Variants in FGF12 observed in about 807,000 individuals in gnomAD.
FGF12 encodes the protein fibroblast growth factor 12.
In FGF12, 14 loss-of-function variants were observed where a neutral mutation model predicts 23.6. That is an observed-to-expected ratio of 0.59 (90% confidence interval 0.39 to 0.93). The LOEUF (loss-of-function observed/expected upper bound fraction) is 0.93, where lower values mean the gene tolerates loss of function less well. FGF12 is among the 40% of genes least tolerant of loss of function. The probability of loss-of-function intolerance (pLI) is 0.00; values close to 1 mark genes in which losing one functional copy is unlikely to be tolerated. For missense variants in FGF12, 175 were observed against 217.8 expected (o/e 0.80, Z 1.24); for synonymous variants, 62 against 77.3 (o/e 0.80, Z 1.04).
At chr3:192,398,294 T>C (rs1283927946) in intron 2 of FGF12, among the ~76,000 whole-genome samples, 1 of 152,184 alleles carries the variant, frequency 6.6e-6, no homozygotes, top group Non-Finnish European at 1.5e-5. Context: ...GATCTGTGTT[T>C]CATGTTCCCA....
intron 2 of FGF12, among the ~76,000 whole-genome samples, chr3:192,546,347 C>T (rs1725493674): frequency 6.6e-6 from 1 of 151,970 alleles, no homozygotes. Flanking sequence ...TAGGTGCAAA[C>T]CACAGTGATC....
chr3:192,618,681 T>C (rs913036902), intron 2 of FGF12, among the ~76,000 whole-genome samples: 5 of 152,042 alleles, frequency 3.3e-5, no homozygotes, highest in African/African-American at 1.2e-4. Context: ...CCAGAACAGA[T>C]TCACAGATGA....
chr3:192,409,074 G>T lies in FGF12; in HGVS notation c.14-48536C>A, dbSNP rs1576960121. 6 of 853,968 alleles carry T rather than the reference G, an allele frequency of 7.0e-6. No homozygotes were observed. The highest frequency in any genetic ancestry group is 7.0e-6 in the Non-Finnish European group (5 of 710,288). The allele number at this position is 853,968 out of a possible 1,614,324, so 52.9% of individuals were successfully genotyped here. A position where few individuals can be genotyped will look rare whatever the true frequency, so the allele number is the denominator to read the frequency against. The stretch of plus-strand genomic sequence containing the variant: ...TGCAAAGAGAGCGGGAGGCGAGGGA[G>T]GGGGGAGGGCGCGAGGGAGGGAGGG... On this transcript the variant is annotated intron_variant, in intron 2 of 5. Coordinates refer to ENST00000445105, the MANE Select transcript of FGF12 (RefSeq NM_004113.6). This position sits in a 1 kb window ranked among gnomAD's most constrained non-coding sequence, Gnocchi z 4.8.
intron 5 of FGF12, among the ~76,000 whole-genome samples, chr3:192,153,206 G>A (rs1577178095): frequency 3.1e-5 from 1 of 32,332 alleles, no homozygotes; most frequent in African/African-American, 8.6e-5. Context: ...GCCTATGTGT[G>A]TCTCTGCATG....
At chr3:192,422,186 C>G (rs1190712482) in intron 2 of FGF12, among the ~76,000 whole-genome samples, 2 of 152,002 alleles carry the variant, frequency 1.3e-5, no homozygotes, top group African/African-American at 4.8e-5. Flanking sequence ...AGAGGAAATA[C>G]ATTCTAATGG....
intron 2 of FGF12, among the ~76,000 whole-genome samples, chr3:192,649,420 C>T (rs868847791): frequency 3.9e-5 from 6 of 152,016 alleles, no homozygotes; most frequent in Non-Finnish European, 7.4e-5. Flanking sequence ...AACTAATGAC[C>T]GTTTTAATTC....
intron 2 of FGF12, among the ~76,000 whole-genome samples, chr3:192,534,946 A>G (rs1045201758): frequency 5.3e-5 from 8 of 152,162 alleles, no homozygotes; most frequent in Non-Finnish European, 1.2e-4. Context: ...TTTTAAGTCT[A>G]ACTTTTACCT....
chr3:192,296,684 T>G (rs989032499), intron 4 of FGF12, among the ~76,000 whole-genome samples: 1 of 152,236 alleles, frequency 6.6e-6, no homozygotes, highest in Non-Finnish European at 1.5e-5. Context: ...GAAATATTGC[T>G]CTTTATGAGT....
At position 192,563,124 on chromosome 3, in the gene FGF12, GC is replaced by G. The variant is rs538149940; in HGVS notation, c.13+164056del. On this transcript the variant is annotated intron_variant, in intron 2 of 5. Coordinates refer to ENST00000445105, the MANE Select transcript of FGF12 (RefSeq NM_004113.6). ...TAGACTTTTTTATGTGATTTTGAGAGCTTTAGAACTGGGACCTACCGTTGAA... is the reference window on the plus strand; with the variant it reads ...TAGACTTTTTTATGTGATTTTGAGAGTTTAGAACTGGGACCTACCGTTGAA... Among the ~76,000 whole-genome samples, 37 of 152,298 alleles carry G rather than the reference GC, an allele frequency of 2.4e-4. 1 individual carries two copies. In the South Asian group the frequency reaches 7.5e-3, roughly 31 times the overall value.
intron 2 of FGF12, among the ~76,000 whole-genome samples, chr3:192,501,277 A>G (rs888872433): frequency 1.3e-5 from 2 of 152,190 alleles, no homozygotes; most frequent in African/African-American, 4.8e-5. Flanking sequence ...CTAATATTTA[A>G]CTTCTTCATT....
intron 2 of FGF12, among the ~76,000 whole-genome samples, chr3:192,451,227 C>T (rs1722510690): frequency 6.6e-6 from 1 of 152,204 alleles, no homozygotes; most frequent in Non-Finnish European, 1.5e-5. Context: ...ATAACAATTT[C>T]TCAGGTTAAC....
intron 2 of FGF12, among the ~76,000 whole-genome samples, chr3:192,572,976 G>A (rs539716795): frequency 6.6e-6 from 1 of 152,308 alleles, no homozygotes; most frequent in South Asian, 2.1e-4. Flanking sequence ...GAGGGAAGAA[G>A]GGTGATGACA....
rs547757004 is a variant in FGF12, at chr3:192,714,720, G to A, written c.13+12461C>T. 5.3e-5 allele frequency among the ~76,000 whole-genome samples: 8 copies of A among 151,878 alleles called. 1 individual carries two copies. The East Asian group carries it at 1.6e-3, about 30-fold the overall frequency. ...TTTTTAGTAGAGACGGGGTTTCATC[G>A]TTTTAGCCGGGATGGTCTCGATCTC... On this transcript the variant is annotated intron_variant, in intron 2 of 5. Coordinates refer to ENST00000445105, the MANE Select transcript of FGF12 (RefSeq NM_004113.6).
intron 2 of FGF12, among the ~76,000 whole-genome samples, chr3:192,559,667 A>T (rs1359726121): frequency 6.6e-6 from 1 of 151,990 alleles, no homozygotes; most frequent in African/African-American, 2.4e-5. Context: ...TAAAAAAAGA[A>T]GAAAAAAAAG....
intron 4 of FGF12, among the ~76,000 whole-genome samples, chr3:192,191,808 C>T (rs1577220888): frequency 6.6e-6 from 1 of 151,204 alleles, no homozygotes; most frequent in South Asian, 2.1e-4. Context: ...TGTACTCCAG[C>T]CTGGGAGACA....
At chr3:192,239,533 G>T (rs1719487315) in intron 4 of FGF12, among the ~76,000 whole-genome samples, 1 of 152,164 alleles carries the variant, frequency 6.6e-6, no homozygotes, top group Non-Finnish European at 1.5e-5. Flanking sequence ...CTGGTCTGTG[G>T]CCTGTTAGGA....
Position 192,307,479 on chromosome 3 carries a change from G to C in FGF12, c.228+27882C>G, listed in dbSNP as rs538842993. On this transcript the variant is annotated intron_variant, in intron 4 of 5. Transcript: ENST00000445105. ...ACCTCTATGATCACTTTTATCAACT[G>C]AAAGTTAAAAAATAAATAAATAAAG... Among the ~76,000 whole-genome samples, 5 of 152,236 alleles carry C rather than the reference G, an allele frequency of 3.3e-5. No individual in the cohort carries two copies. In the South Asian group the frequency reaches 1.0e-3, roughly 32 times the overall value.
Position 192,303,226 on chromosome 3 carries a change from G to GA in FGF12, c.228+32134dup, listed in dbSNP as rs766117998. 2.2e-4 allele frequency among the ~76,000 whole-genome samples: 34 copies of GA among 151,818 alleles called. No individual in the cohort carries two copies. The East Asian group carries it at 3.7e-3, about 16-fold the overall frequency. On this transcript the variant is annotated intron_variant, in intron 4 of 5. Coordinates refer to ENST00000445105, the MANE Select transcript of FGF12 (RefSeq NM_004113.6). ...CAGCCATTACACAAATTTAAGTATG[G>GA]AAAAAAAATGGGCTTCACAAAAAGC...
chr3:192,701,084 G>A (rs1231366999), intron 2 of FGF12, among the ~76,000 whole-genome samples: 9 of 152,092 alleles, frequency 5.9e-5, no homozygotes, highest in African/African-American at 2.2e-4. Flanking sequence ...CAGATGCCTG[G>A]TACCTGGAGG....
Sources: gnomAD v4.1 joint callset for allele counts (sites outside exome capture counted in the v4.1 genomes callset) on GRCh38, gnomAD v4.1.1 for gene constraint, Gnocchi (gnomAD v3.1) non-coding constraint, MANE v1.5 for transcripts, NCBI Gene and HGNC (gene_info 2026-07-23, HGNC 2026-07-21) for gene names.